Variants in STPG2 observed in about 807,000 individuals in gnomAD.
STPG2 encodes the protein sperm tail PG-rich repeat containing 2, also known as sperm-tail PG-rich repeat-containing protein 2.
A neutral mutation model predicts 54.2 loss-of-function variants in STPG2; 56 were observed. The observed-to-expected ratio is 1.03, with a 90% CI of 0.83 to 1.29. The LOEUF is 1.29. Ranked by LOEUF, STPG2 falls within the 50% of genes most tolerant of loss-of-function variation. STPG2 has a pLI of 0.00. For synonymous variants in STPG2, 200 were observed against 181.8 expected, an observed-to-expected ratio of 1.10 and a Z score of -0.81; for missense variants, 596 against 544.9, an observed-to-expected ratio of 1.09 and a Z score of -0.93.
intron 10 of STPG2, among the ~76,000 whole-genome samples, chr4:97,684,849 T>A (rs1245918163): frequency 6.6e-6 from 1 of 151,882 alleles, no homozygotes; most frequent in East Asian, 1.9e-4. Context: ...AACATATATA[T>A]TTTAAACAAA....
At chr4:97,991,778 A>T (rs1299579421) in intron 5 of STPG2, among the ~76,000 whole-genome samples, 2 of 151,932 alleles carry the variant, frequency 1.3e-5, no homozygotes, top group East Asian at 1.9e-4. Context: ...ATTTTTTTAA[A>T]TTTTTTTATT....
rs113438791 is a variant in STPG2, at chr4:97,639,740, G to A, written c.1320+72959C>T. On this transcript the variant is annotated intron_variant, in intron 10 of 10. Coordinates refer to ENST00000295268, the MANE Select transcript of STPG2 (RefSeq NM_174952.3). ...TGACAGCGAATTTGGGAAAACATGC[G>A]TTTAGTGATTATACACATAATCTAT... Among the ~76,000 whole-genome samples the A allele has an allele frequency of 5.0e-3, 762 of 151,748 alleles. 3 individuals carry two copies. The highest frequency in any genetic ancestry group is 0.02 in the Middle Eastern group (6 of 294).
At chr4:98,100,017 A>G (rs1339672058) in intron 5 of STPG2, among the ~76,000 whole-genome samples, 3 of 152,190 alleles carry the variant, frequency 2.0e-5, no homozygotes, top group Non-Finnish European at 4.4e-5. Flanking sequence ...CTATAAATAT[A>G]TATACCAATG....
intron 4 of STPG2, among the ~76,000 whole-genome samples, chr4:97,470,932 A>T (rs2148814795): frequency 6.6e-6 from 1 of 152,196 alleles, no homozygotes; most frequent in African/African-American, 2.4e-5. Context: ...CAGATTGGGG[A>T]TCATCTGCTT....
At chr4:98,106,610 C>G (rs1739196309) in intron 4 of STPG2, among the ~76,000 whole-genome samples, 1 of 152,116 alleles carries the variant, frequency 6.6e-6, no homozygotes, top group South Asian at 2.1e-4. Flanking sequence ...CCCAGCATTG[C>G]TACCTACTGC....
At chr4:98,138,364 G>A (rs1005897763) in intron 1 of STPG2, among the ~76,000 whole-genome samples, 3 of 152,034 alleles carry the variant, frequency 2.0e-5, no homozygotes, top group Admixed American at 1.3e-4. Context: ...TAAGTGTATA[G>A]AAGAGGAGAT....
chr4:97,603,486 CAGGGTCTCAAAAAGAT>C (rs1733516975), intron 10 of STPG2, among the ~76,000 whole-genome samples: 1 of 151,438 alleles, frequency 6.6e-6, no homozygotes, highest in African/African-American at 2.4e-5. Flanking sequence ...GAATTGAAAG[CAGGGTCTCAAAAAGAT>C]AGCTGTACCT....
At chr4:97,624,905 A>T (rs529671033) in intron 10 of STPG2, among the ~76,000 whole-genome samples, 1 of 152,252 alleles carries the variant, frequency 6.6e-6, no homozygotes, top group South Asian at 2.1e-4. Context: ...TGTTTTTGTC[A>T]GATTTGTCAA....
chr4:97,939,644 AT>A (rs1732900639), intron 8 of STPG2, among the ~76,000 whole-genome samples: 1 of 151,838 alleles, frequency 6.6e-6, no homozygotes, highest in Non-Finnish European at 1.5e-5. Context: ...TCTGTTTTCC[AT>A]TTGCTTGACA....
intron 8 of STPG2, among the ~76,000 whole-genome samples, chr4:97,928,220 T>G (rs1362033750): frequency 2.0e-5 from 3 of 152,136 alleles, no homozygotes; most frequent in Non-Finnish European, 4.4e-5. Flanking sequence ...AAACCTAAAC[T>G]CATCTGGTAG....
At chr4:97,499,031 C>G (rs1392838791) in intron 4 of STPG2, among the ~76,000 whole-genome samples, 1 of 151,974 alleles carries the variant, frequency 6.6e-6, no homozygotes, top group East Asian at 1.9e-4. Context: ...CATCAATACT[C>G]TGTAGTTTTT....
chr4:98,023,026 C>T lies in STPG2; in HGVS notation c.613-41708G>A, dbSNP rs148044987. 4.3e-3 allele frequency among the ~76,000 whole-genome samples: 657 copies of T among 152,332 alleles called. 5 individuals are homozygous for T. Among genetic ancestry groups the T allele is most frequent in the African/African-American group, 0.015 (628 of 41,570 alleles). The stretch of plus-strand genomic sequence containing the variant: ...CCTTCTTCTCTCAACTCATCAAAGT[C>T]ACTCTCCATCCAGCTTTGTTCTGTT... On this transcript the variant is annotated intron_variant, in intron 5 of 10. Coordinates refer to ENST00000295268, the MANE Select transcript of STPG2 (RefSeq NM_174952.3).
chr4:97,952,734 G>A (rs535132103), intron 7 of STPG2, among the ~76,000 whole-genome samples: 1 of 152,266 alleles, frequency 6.6e-6, no homozygotes, highest in African/African-American at 2.4e-5. Flanking sequence ...TAGTGTGTTG[G>A]TTTTCTCAAA....
chr4:97,758,328 T>C (rs1725790684), intron 9 of STPG2, among the ~76,000 whole-genome samples: 1 of 152,146 alleles, frequency 6.6e-6, no homozygotes, highest in Non-Finnish European at 1.5e-5. Flanking sequence ...CACATGTATG[T>C]TTATTGCAGC....
intron 4 of STPG2, among the ~76,000 whole-genome samples, chr4:97,489,412 C>T (rs998065781): frequency 2.0e-5 from 3 of 151,684 alleles, no homozygotes; most frequent in Non-Finnish European, 2.9e-5. Flanking sequence ...AGTAACGTAG[C>T]ACTGGTTCCC....
At chr4:98,057,157 A>G (rs948201140) in intron 5 of STPG2, among the ~76,000 whole-genome samples, 7 of 152,196 alleles carry the variant, frequency 4.6e-5, no homozygotes, top group South Asian at 2.1e-4. Flanking sequence ...CTTTTCTCCA[A>G]ATAACCACAT....
chr4:98,019,039 A>G (rs1190040914), intron 5 of STPG2, among the ~76,000 whole-genome samples: 1 of 151,482 alleles, frequency 6.6e-6, no homozygotes, highest in Admixed American at 6.6e-5. Context: ...CCCATTTGTC[A>G]ATTTTGGCTT....
In STPG2 at chr4:97,661,709, AG is replaced by A. The variant is rs562354391; in HGVS notation, c.1320+50989del. ...AAGTGAAAAGAAAAGTCATATTAAT[AG>A]GGGAGAAAAGGCCATGGATACAGAA... is the stretch of plus-strand genomic sequence containing the variant. On this transcript the variant is annotated intron_variant, in intron 10 of 10. Transcript: ENST00000295268. 1.4e-3 allele frequency among the ~76,000 whole-genome samples: 219 copies of A among 151,806 alleles called. 1 individual carries two copies. The highest frequency in any genetic ancestry group is 5.1e-3 in the African/African-American group (212 of 41,376).
At chr4:97,900,143 C>T (rs1282664030) in intron 8 of STPG2, among the ~76,000 whole-genome samples, 1 of 152,068 alleles carries the variant, frequency 6.6e-6, no homozygotes, top group Non-Finnish European at 1.5e-5. Context: ...AGAAGACATA[C>T]ATGCAGCCAA....
Sources: gnomAD v4.1 joint callset for allele counts (sites outside exome capture counted in the v4.1 genomes callset) on GRCh38, gnomAD v4.1.1 for gene constraint, MANE v1.5 for transcripts, NCBI Gene and HGNC (gene_info 2026-07-23, HGNC 2026-07-21) for gene names.